The following CPB2 variants were observed in gnomAD, a reference collection of about 807,000 sequenced individuals.
CPB2 encodes the protein carboxypeptidase B2, also known as carboxypeptidase B-like protein.
In CPB2, 54 loss-of-function variants were observed where a neutral mutation model predicts 57.0. The observed-to-expected ratio is 0.95, with a 90% confidence interval of 0.76 to 1.19. The LOEUF (loss-of-function observed/expected upper bound fraction) is 1.19. CPB2 is among the 50% of genes most tolerant of loss of function. CPB2 has a pLI of 0.00. For synonymous variants in CPB2, 189 were observed against 178.1 expected, an observed-to-expected ratio of 1.06 and a Z score of -0.49; for missense variants, 426 against 512.0, an observed-to-expected ratio of 0.83 and a Z score of 1.62.
Position 46,073,902 on chromosome 13 carries a change from G to C in CPB2, c.562C>G (p.Pro188Ala). Residue 188 changes from proline (P) to alanine (A), a missense_variant, in exon 6 of 11, where the codon CCT becomes GCT. Physicochemically the swap from Pro to Ala is conservative, Grantham distance 27. Transcript: ENST00000181383. Reference protein sequence around the residue: ...CGIHAREWISPAFCLWFIGHI... With the variant: ...CGIHAREWISAAFCLWFIGHI... ...CCTATGAACCACAAGCAGAAAGCAG[G>C]AGAGATCCATTCTCTGGCATGGATT... 6.3e-7 allele frequency: 1 copy of C among 1,585,406 alleles called. No homozygotes were observed. The highest frequency in any genetic ancestry group is 8.6e-7 in the Non-Finnish European group (1 of 1,158,008).
At chr13:46,077,900 G>A (rs2045048208) in intron 5 of CPB2, among the ~76,000 whole-genome samples, 1 of 152,126 alleles carries the variant, frequency 6.6e-6, no homozygotes, top group Admixed American at 6.5e-5. Context: ...TCTCATAGAG[G>A]TAGAGAGTAG....
intron 1 of CPB2, among the ~76,000 whole-genome samples, chr13:46,091,243 C>G (rs1363618964): frequency 6.6e-6 from 1 of 152,148 alleles, no homozygotes; most frequent in South Asian, 2.1e-4. Flanking sequence ...CATCTGCACA[C>G]ACTATTAGGT....
chr13:46,061,784 C>A (rs1292360287), intron 8 of CPB2, among the ~76,000 whole-genome samples: 1 of 152,184 alleles, frequency 6.6e-6, no homozygotes, highest in Non-Finnish European at 1.5e-5. Flanking sequence ...CTCCAACACA[C>A]ACACACACAA....
rs564405897 is a variant in CPB2, at chr13:46,092,216, T to C, written c.75-4396A>G. 7.9e-4 allele frequency among the ~76,000 whole-genome samples: 121 copies of C among 152,272 alleles called. 1 individual carries two copies. The highest frequency in any genetic ancestry group is 2.8e-3 in the African/African-American group (116 of 41,548). On this transcript the variant is annotated intron_variant, in intron 1 of 10. Coordinates refer to ENST00000181383, the MANE Select transcript of CPB2 (RefSeq NM_001872.5). ...GAAATAACTAAAAACCTGGACAAAA[T>C]GTATGGAACAACAGCACTCAAGACA...
chr13:46,082,380 T>C, intron 4 of CPB2, 61 bp downstream of exon 4: 1 of 934,344 alleles, frequency 1.1e-6, no homozygotes, highest in Non-Finnish European at 1.6e-6. Flanking sequence ...ATTCCCCTGA[T>C]TGAAATGGCA....
chr13:46,063,970 G>A (rs2044814630), intron 8 of CPB2, among the ~76,000 whole-genome samples: 1 of 151,954 alleles, frequency 6.6e-6, no homozygotes. Context: ...AATTAAAAAT[G>A]AGGGGTCCAG....
intron 4 of CPB2, among the ~76,000 whole-genome samples, chr13:46,080,471 T>C (rs539308625): frequency 1.3e-5 from 2 of 152,350 alleles, no homozygotes; most frequent in South Asian, 4.1e-4. Context: ...GAGTAGATGT[T>C]GTACCCCTTT....
chr13:46,079,013 C>T (rs992711440), intron 4 of CPB2, 112 bp from the exon 5 acceptor site: 1 of 661,910 alleles, frequency 1.5e-6, no homozygotes, highest in Admixed American at 2.5e-5. Context: ...ATGTGGAATG[C>T]ACGAGGACCT....
At chr13:46,069,817 T>C (rs2044911206) in intron 6 of CPB2, among the ~76,000 whole-genome samples, 1 of 152,222 alleles carries the variant, frequency 6.6e-6, no homozygotes, top group Admixed American at 6.5e-5. Context: ...TGTCAACATA[T>C]GTGTTCACTT....
chr13:46,101,341 T>C (rs2045432058), intron 1 of CPB2: 1 of 152,280 alleles, frequency 6.6e-6, no homozygotes, highest in South Asian at 2.1e-4. Flanking sequence ...TAAATTTTGC[T>C]AAATATAATT....
intron 5 of CPB2, among the ~76,000 whole-genome samples, chr13:46,075,459 G>A (rs2045008284): frequency 6.6e-6 from 1 of 152,214 alleles, no homozygotes; most frequent in Admixed American, 6.5e-5. Context: ...CATCCAGAAT[G>A]CATGATTTTT....
At chr13:46,070,987 C>G (rs1369490889) in intron 6 of CPB2, among the ~76,000 whole-genome samples, 1 of 152,180 alleles carries the variant, frequency 6.6e-6, no homozygotes, top group Non-Finnish European at 1.5e-5. Flanking sequence ...GACCTGGTCT[C>G]TGCCTTCAGA....
In CPB2 at chr13:46,104,930, G is replaced by A; in HGVS notation, c.74+6C>T. The A allele has an allele frequency of 6.2e-7, 1 of 1,613,816 alleles. No individual in the cohort carries two copies. The highest frequency in any genetic ancestry group is 1.7e-5 in the Admixed American group (1 of 59,988). On this transcript the variant is annotated splice_donor_region_variant and intron_variant, in intron 1 of 10. Coordinates refer to ENST00000181383, the MANE Select transcript of CPB2 (RefSeq NM_001872.5). The stretch of plus-strand genomic sequence containing the variant: ...CCCACCACAGTCTAAGATTCTATTG[G>A]GTTACCTCTGAAACGCGAAGACATG...
chr13:46,083,166 C>G (rs897091880), intron 3 of CPB2, among the ~76,000 whole-genome samples: 2 of 152,034 alleles, frequency 1.3e-5, no homozygotes, highest in African/African-American at 4.8e-5. Flanking sequence ...AGCTATCATA[C>G]TAATAAAGGG....
At chr13:46,066,024 A>G (rs2044849085) in intron 7 of CPB2, among the ~76,000 whole-genome samples, 1 of 152,148 alleles carries the variant, frequency 6.6e-6, no homozygotes, top group African/African-American at 2.4e-5. Context: ...TCCACCTACA[A>G]AATTTTCAGT....
chr13:46,091,592 C>T (rs1168180154), intron 1 of CPB2, among the ~76,000 whole-genome samples: 2 of 152,128 alleles, frequency 1.3e-5, no homozygotes, highest in Admixed American at 6.5e-5. Flanking sequence ...ATAAGATGAG[C>T]ATATGGGTTT....
chr13:46,057,863 C>T (rs775973076), intron 9 of CPB2, among the ~76,000 whole-genome samples: 3 of 152,182 alleles, frequency 2.0e-5, no homozygotes, highest in Non-Finnish European at 4.4e-5. Context: ...CCATACTCAT[C>T]CTTGCTTATA....
intron 8 of CPB2, among the ~76,000 whole-genome samples, chr13:46,059,764 G>A (rs1163435495): frequency 6.6e-6 from 1 of 152,118 alleles, no homozygotes; most frequent in African/African-American, 2.4e-5. Context: ...GGAGTCCATG[G>A]CTGAGGCTAC....
intron 8 of CPB2, among the ~76,000 whole-genome samples, chr13:46,059,756 A>G (rs2044746129): frequency 6.6e-6 from 1 of 152,194 alleles, no homozygotes; most frequent in African/African-American, 2.4e-5. Flanking sequence ...CTGCCTCAGG[A>G]GTCCATGGCT....
Sources: allele counts gnomAD v4.1 joint callset (sites outside exome capture counted in the v4.1 genomes callset), GRCh38; gene constraint gnomAD v4.1.1; transcripts MANE v1.5; gene names NCBI Gene and HGNC (gene_info 2026-07-23, HGNC 2026-07-21).